The following FRMD4B variants were observed in gnomAD, a reference collection of about 807,000 sequenced individuals.
FRMD4B encodes FERM domain-containing protein 4B.
FRMD4B carries 74 observed loss-of-function variants against 141.5 expected under a neutral mutation model. The ratio of observed to expected loss-of-function variants is 0.52; its 90% confidence interval spans 0.43 to 0.63. The LOEUF (loss-of-function observed/expected upper bound fraction) is 0.63. FRMD4B is among the 30% of genes least tolerant of loss of function. FRMD4B has a pLI of 0.00. For synonymous variants in FRMD4B, 506 were observed against 467.9 expected (o/e 1.08, Z -1.05); for missense variants, 1,366 against 1,253.4 (o/e 1.09, Z -1.36).
chr3:69,510,001 T>G (rs1294371366), intron 1 of FRMD4B, among the ~76,000 whole-genome samples: 2 of 151,496 alleles, frequency 1.3e-5, no homozygotes, highest in African/African-American at 2.4e-5. Context: ...AAAAATCATG[T>G]GACGTGCTTG....
intron 5 of FRMD4B, among the ~76,000 whole-genome samples, chr3:69,269,820 A>G (rs900319923): frequency 1.3e-5 from 2 of 152,034 alleles, no homozygotes; most frequent in African/African-American, 4.8e-5. Context: ...GGGTTTCGCC[A>G]TGTTGGCCAG....
chr3:69,245,135 ATAATTG>A (rs1225469457), intron 7 of FRMD4B, among the ~76,000 whole-genome samples: 2 of 152,198 alleles, frequency 1.3e-5, no homozygotes, highest in South Asian at 2.1e-4. Flanking sequence ...AGTGTGTATT[ATAATTG>A]TAAGTCCCAT....
intron 5 of FRMD4B, among the ~76,000 whole-genome samples, chr3:69,280,924 TTTC>T (rs577147397): frequency 2.3e-3 from 351 of 151,760 alleles, no homozygotes; most frequent in African/African-American, 7.2e-3. Flanking sequence ...TGGCTGAAAT[TTTC>T]TTCTTCTTCT....
intron 2 of FRMD4B, among the ~76,000 whole-genome samples, chr3:69,412,106 G>A (rs1258396606): frequency 6.6e-6 from 1 of 152,176 alleles, no homozygotes; most frequent in Non-Finnish European, 1.5e-5. Context: ...CCTAGGAGGT[G>A]GGTCCATTTA....
intron 1 of FRMD4B, among the ~76,000 whole-genome samples, chr3:69,528,306 CCTTT>C (rs1240607861): frequency 7.0e-6 from 1 of 142,470 alleles, no homozygotes; most frequent in African/African-American, 2.8e-5. Flanking sequence ...TTCCTTCCTT[CCTTT>C]CTCTCTCTTT....
At position 69,168,790 on chromosome 3, in the gene FRMD4B, A is replaced by G. The variant is rs1274282713; in HGVS notation, c.*3071T>C. ...ACAGACCAAACTAATAGTTTAAAAC[A>G]ATTCCGGAATCTTTATTTCTTGTAA... On this transcript the variant is annotated 3_prime_UTR_variant, in exon 23 of 23. Coordinates refer to ENST00000398540, the MANE Select transcript of FRMD4B (RefSeq NM_015123.3). Among the ~76,000 whole-genome samples the G allele has an allele frequency of 6.6e-6, 1 of 152,210 alleles. No homozygotes were observed. Among genetic ancestry groups the G allele is most frequent in the African/African-American group, 2.4e-5 (1 of 41,460 alleles).
rs143249718 is a variant in FRMD4B at position 69,300,130 on chromosome 3, A to G, written c.416+2213T>C. Among the ~76,000 whole-genome samples the G allele has an allele frequency of 1.9e-3, 282 of 152,332 alleles. 4 individuals carry two copies. Among genetic ancestry groups the G allele is most frequent in the African/African-American group, 6.7e-3 (280 of 41,580 alleles). ...GAGCAACTCACTTCACTGGAGCACAAGACAACCCCATTTGCAAGACCTCCA... is the reference window on the plus strand; with the variant it reads ...GAGCAACTCACTTCACTGGAGCACAGGACAACCCCATTTGCAAGACCTCCA... On this transcript the variant is annotated intron_variant, in intron 4 of 22. Transcript: ENST00000398540.
intron 1 of FRMD4B, among the ~76,000 whole-genome samples, chr3:69,488,752 G>T (rs1018922776): frequency 6.6e-6 from 1 of 151,744 alleles, no homozygotes; most frequent in Non-Finnish European, 1.5e-5. Context: ...AATTAGCTGG[G>T]CATGGTGGCG....
intron 2 of FRMD4B, among the ~76,000 whole-genome samples, chr3:69,427,643 G>GTTTTTTTGTTTTTTTTTTTT (rs1705106086): frequency 5.5e-5 from 2 of 36,236 alleles, no homozygotes; most frequent in Admixed American, 3.6e-4. Context: ...CTAGGTAAAT[G>GTTTTTTTGTTTTTTTTTTTT]TTTTTTTTTT....
intron 1 of FRMD4B, among the ~76,000 whole-genome samples, chr3:69,382,323 A>G: frequency 6.6e-6 from 1 of 152,280 alleles, no homozygotes; most frequent in East Asian, 1.9e-4. Flanking sequence ...TACAGGCATG[A>G]ATCACCACAC....
At chr3:69,175,487 T>C (rs1231789352) in intron 22 of FRMD4B, among the ~76,000 whole-genome samples, 1 of 152,236 alleles carries the variant, frequency 6.6e-6, no homozygotes, top group African/African-American at 2.4e-5. Flanking sequence ...GACAGCTGGC[T>C]GTGTCTGTTG....
At chr3:69,348,566 A>T (rs971168933) in intron 1 of FRMD4B, among the ~76,000 whole-genome samples, 1 of 152,242 alleles carries the variant, frequency 6.6e-6, no homozygotes, top group Admixed American at 6.5e-5. Context: ...CCTGATGAAC[A>T]TCGATGCAAA....
intron 10 of FRMD4B, among the ~76,000 whole-genome samples, chr3:69,217,209 T>A (rs909780691): frequency 6.6e-6 from 1 of 152,224 alleles, no homozygotes; most frequent in Non-Finnish European, 1.5e-5. Context: ...GTGAGTAATA[T>A]TGTTTTCATA....
At chr3:69,172,057 A>T (rs923666511) in intron 22 of FRMD4B, 76 bp from the exon 23 acceptor site, 17 of 1,411,044 alleles carry the variant, frequency 1.2e-5, no homozygotes, top group Non-Finnish European at 2.0e-6. Flanking sequence ...ACTACATTTA[A>T]AGAAGTTAGT....
rs190344903 is a variant in FRMD4B at position 69,326,937 on chromosome 3, G to A, written c.163-13420C>T. On this transcript the variant is annotated intron_variant, in intron 1 of 22. Transcript: ENST00000398540. ...CAGTTGTTAGGCTGTATTTTTAGAC[G>A]TCATGGTACAGTATCAATGAGTCAA... Among the ~76,000 whole-genome samples the A allele has an allele frequency of 9.9e-5, 15 of 152,134 alleles. No individual in the cohort carries two copies. In the East Asian group the frequency reaches 2.1e-3, roughly 22 times the overall value.
chr3:69,477,111 C>T (rs572901129), intron 1 of FRMD4B, among the ~76,000 whole-genome samples: 126 of 151,224 alleles, frequency 8.3e-4, no homozygotes, highest in African/African-American at 2.7e-3. Flanking sequence ...TGGGCTGAGA[C>T]GATGGGGTTT....
intron 7 of FRMD4B, among the ~76,000 whole-genome samples, chr3:69,248,003 G>A (rs948647503): frequency 1.3e-5 from 2 of 149,298 alleles, no homozygotes; most frequent in Admixed American, 6.7e-5. Flanking sequence ...TGTTGGCCAC[G>A]CTGGTCTGGA....
At chr3:69,542,050 G>T (rs979237581) in intron 1 of FRMD4B, among the ~76,000 whole-genome samples, 1 of 152,088 alleles carries the variant, frequency 6.6e-6, no homozygotes, top group Non-Finnish European at 1.5e-5. Context: ...CCAGGGCGGG[G>T]TTTTCCGCTC....
intron 1 of FRMD4B, among the ~76,000 whole-genome samples, chr3:69,447,349 A>C (rs888552599): frequency 1.3e-5 from 2 of 152,208 alleles, no homozygotes; most frequent in African/African-American, 2.4e-5. Flanking sequence ...CTTGATTTGG[A>C]ATCAAGATCT....
Sources: gnomAD v4.1 joint callset for allele counts (sites outside exome capture counted in the v4.1 genomes callset) on GRCh38, gnomAD v4.1.1 for gene constraint, MANE v1.5 for transcripts, NCBI Gene and HGNC (gene_info 2026-07-23, HGNC 2026-07-21) for gene names.